Variants in KCNC1 observed in about 807,000 individuals in gnomAD.
The protein encoded by KCNC1 is voltage-gated potassium channel KCNC1.
A neutral mutation model predicts 43.4 loss-of-function variants in KCNC1; 8 were observed. The observed-to-expected ratio is 0.18, with a 90% CI of 0.11 to 0.33. The LOEUF (loss-of-function observed/expected upper bound fraction) is 0.33, where lower values mean the gene tolerates loss of function less well. Among genes scored for constraint, KCNC1 ranks in the 10% least tolerant of loss-of-function variants. The pLI, the probability that KCNC1 is intolerant of heterozygous loss-of-function variation, is 1.00. For missense variants in KCNC1, 420 were observed against 836.0 expected (o/e 0.50, Z 6.14); for synonymous variants, 361 against 360.5 (o/e 1.00, Z -0.01).
chr11:17,754,813 G>A (rs765297054), intron 1 of KCNC1, among the ~76,000 whole-genome samples: 1 of 152,154 alleles, frequency 6.6e-6, no homozygotes, highest in East Asian at 1.9e-4. Flanking sequence ...ATGCCAACAC[G>A]CAGCCAACTG....
intron 2 of KCNC1, chr11:17,772,984 C>G (rs549589067): frequency 2.9e-5 from 32 of 1,088,066 alleles, no homozygotes; most frequent in Non-Finnish European, 3.5e-5. Context: ...AGAGTGGGGG[C>G]GGGTGTGATT....
chr11:17,781,428 C>G lies in KCNC1; in HGVS notation c.1694-242C>G. Reference sequence around the variant, plus strand: ...GGCTAATTCTGAGCCAGAAGGCATGCAGGTGTGTGAGTCAATGTGCAGAGC... The same window carrying G: ...GGCTAATTCTGAGCCAGAAGGCATGGAGGTGTGTGAGTCAATGTGCAGAGC... On this transcript the variant is annotated intron_variant, in intron 3 of 3. Coordinates refer to ENST00000265969, the MANE Select transcript of KCNC1 (RefSeq NM_001112741.2). This position sits in a 1 kb window ranked among gnomAD's most constrained non-coding sequence, Gnocchi z 5.1. 1 of 480,368 alleles carries G rather than the reference C, an allele frequency of 2.1e-6. No homozygotes were observed. Among genetic ancestry groups the G allele is most frequent in the Non-Finnish European group, 3.7e-6 (1 of 273,214 alleles). 29.8% of individuals were successfully genotyped at this position (480,368 alleles called of 1,614,324 possible).
rs1180196604 is a variant in KCNC1 at position 17,736,281 on chromosome 11, C to T, written c.279C>T (p.Phe93=). The change falls in exon 1 of 4, where the codon TTC becomes TTT. Residue 93 remains phenylalanine (F), a synonymous_variant. Transcript: ENST00000265969. The surrounding 1 kb of genome is among the most constrained non-coding windows in gnomAD (Gnocchi z 9.3). ...CGCTCTACGAGGAGGAGCTGGCCTT[C>T]TGGGGCATCGACGAGACCGACGTGG... ...CGPLYEEELA[F]WGIDETDVEP... 1 of 1,613,584 alleles carries T rather than the reference C, an allele frequency of 6.2e-7. No individual in the cohort carries two copies. The highest frequency in any genetic ancestry group is 1.1e-5 in the South Asian group (1 of 91,074).
At chr11:17,775,321 A>T in intron 2 of KCNC1, 4 of 944,900 alleles carry the variant, frequency 4.2e-6, no homozygotes, top group Non-Finnish European at 5.0e-6. Flanking sequence ...TGGTGCCAGC[A>T]GCACCTGCCC....
intron 1 of KCNC1, among the ~76,000 whole-genome samples, chr11:17,737,869 GGGTA>G (rs1848787073): frequency 6.6e-6 from 1 of 152,200 alleles, no homozygotes; most frequent in South Asian, 2.1e-4. Context: ...GGCTAGGGAG[GGGTA>G]GGAAGTTGCA....
In KCNC1 at chr11:17,781,611, A is replaced by G; in HGVS notation, c.1694-59A>G. The G allele has an allele frequency of 8.4e-7, 1 of 1,185,212 alleles. No homozygotes were observed. The highest frequency in any genetic ancestry group is 1.2e-6 in the Non-Finnish European group (1 of 815,868). 73.4% of individuals were successfully genotyped at this position (1,185,212 alleles called of 1,614,324 possible). On this transcript the variant is annotated intron_variant, in intron 3 of 3. Coordinates refer to ENST00000265969, the MANE Select transcript of KCNC1 (RefSeq NM_001112741.2). This position sits in a 1 kb window ranked among gnomAD's most constrained non-coding sequence, Gnocchi z 5.1. ...CCTCCTTCTTAAAAACTAAGTACCA[A>G]GCGGGATGGGAGAGCCAAGAAGAGA...
rs1849229457 is a variant in KCNC1, at chr11:17,771,580, C to T, written c.571-85C>T. 5 of 1,203,752 alleles carry T rather than the reference C, an allele frequency of 4.2e-6. No homozygotes were observed. Among genetic ancestry groups the T allele is most frequent in the Non-Finnish European group, 5.9e-6 (5 of 848,762 alleles). The allele number at this position is 1,203,752 out of a possible 1,614,324, so 74.6% of individuals were successfully genotyped here. A position where few individuals can be genotyped will look rare whatever the true frequency, so the allele number is the denominator to read the frequency against. On this transcript the variant is annotated intron_variant, in intron 1 of 3. Coordinates refer to ENST00000265969, the MANE Select transcript of KCNC1 (RefSeq NM_001112741.2). This position sits in a 1 kb window ranked among gnomAD's most constrained non-coding sequence, Gnocchi z 4.7. The stretch of plus-strand genomic sequence containing the variant: ...GGCCTGGTGCTGGCATCTCCCCCCG[C>T]CTGGCCCTGGGACTGGACAGAGGCA...
At chr11:17,755,733 G>A (rs1314177485) in intron 1 of KCNC1, among the ~76,000 whole-genome samples, 1 of 152,172 alleles carries the variant, frequency 6.6e-6, no homozygotes, top group Non-Finnish European at 1.5e-5. Flanking sequence ...TGAAAGAGCT[G>A]GTAGAATTCC....
chr11:17,763,544 G>A (rs1354223002), intron 1 of KCNC1, among the ~76,000 whole-genome samples: 42 of 93,000 alleles, frequency 4.5e-4, no homozygotes, highest in South Asian at 2.5e-3. Flanking sequence ...CCCACACACA[G>A]ACCCCCACAC....
Position 17,735,867 on chromosome 11 carries a change from C to A in KCNC1, c.-136C>A. The A allele has an allele frequency of 1.9e-6, 2 of 1,030,054 alleles. No individual in the cohort carries two copies. Among genetic ancestry groups the A allele is most frequent in the Non-Finnish European group, 2.6e-6 (2 of 761,250 alleles). The allele number at this position is 1,030,054 out of a possible 1,614,324, so 63.8% of individuals were successfully genotyped here. ...GGCTCGCTCGTTGGGGTGGCCAGAGCCGCAGGCCTCTGTTCCCCCCGACGG... is the reference window on the plus strand; with the variant it reads ...GGCTCGCTCGTTGGGGTGGCCAGAGACGCAGGCCTCTGTTCCCCCCGACGG... On this transcript the variant is annotated 5_prime_UTR_variant, in exon 1 of 4. Transcript: ENST00000265969. The surrounding 1 kb of genome is among the most constrained non-coding windows in gnomAD (Gnocchi z 6.7).
Position 17,735,945 on chromosome 11 carries a change from C to A in KCNC1, c.-58C>A, listed in dbSNP as rs1024611955. 1 of 1,381,364 alleles carries A rather than the reference C, an allele frequency of 7.2e-7. No homozygotes were observed. Among genetic ancestry groups the A allele is most frequent in the Middle Eastern group, 2.6e-4 (1 of 3,786 alleles). The allele number at this position is 1,381,364 out of a possible 1,614,324, so 85.6% of individuals were successfully genotyped here. ...GCCCCCCTCCCCGGCGCCAACTCCCCCTGGCGGCCGCTCCCATGGGTGTCG... is the reference window on the plus strand; with the variant it reads ...GCCCCCCTCCCCGGCGCCAACTCCCACTGGCGGCCGCTCCCATGGGTGTCG... On this transcript the variant is annotated 5_prime_UTR_variant, in exon 1 of 4. Transcript: ENST00000265969. The surrounding 1 kb of genome is among the most constrained non-coding windows in gnomAD (Gnocchi z 6.7).
intron 1 of KCNC1, among the ~76,000 whole-genome samples, chr11:17,752,241 G>A (rs1030022819): frequency 1.3e-5 from 2 of 152,140 alleles, no homozygotes; most frequent in Non-Finnish European, 2.9e-5. Context: ...ATTTGCACAA[G>A]GCACAGCACT....
chr11:17,748,125 G>A (rs1848922225), intron 1 of KCNC1, among the ~76,000 whole-genome samples: 1 of 152,192 alleles, frequency 6.6e-6, no homozygotes, highest in Admixed American at 6.5e-5. Context: ...TTCTAGCTGG[G>A]CAAGATATGA....
At position 17,736,612 on chromosome 11, in the gene KCNC1, G is replaced by C; in HGVS notation, c.570+40G>C. The C allele has an allele frequency of 6.9e-7, 1 of 1,457,054 alleles. No individual in the cohort carries two copies. 90.3% of individuals were successfully genotyped at this position (1,457,054 alleles called of 1,614,324 possible). ...ACCCATCAGAAGAGCGGGGCGGGAAGGCAGCGTCCTGTGCCTCCCCGCGGG... is the reference window on the plus strand; with the variant it reads ...ACCCATCAGAAGAGCGGGGCGGGAACGCAGCGTCCTGTGCCTCCCCGCGGG... On this transcript the variant is annotated intron_variant, in intron 1 of 3. Coordinates refer to ENST00000265969, the MANE Select transcript of KCNC1 (RefSeq NM_001112741.2). The surrounding 1 kb of genome is among the most constrained non-coding windows in gnomAD (Gnocchi z 9.3).
intron 1 of KCNC1, among the ~76,000 whole-genome samples, chr11:17,765,253 C>T (rs1168612265): frequency 6.6e-6 from 1 of 152,208 alleles, no homozygotes; most frequent in Non-Finnish European, 1.5e-5. Flanking sequence ...CCTGAAACGC[C>T]AGACTGCATG....
In KCNC1 at chr11:17,779,816, C is replaced by G. The variant is rs985814196; in HGVS notation, c.1693+172C>G. 3.7e-5 allele frequency: 18 copies of G among 482,782 alleles called. No homozygotes were observed. Among genetic ancestry groups the G allele is most frequent in the South Asian group, 2.3e-4 (5 of 21,602 alleles). 29.9% of individuals were successfully genotyped at this position (482,782 alleles called of 1,614,324 possible). Reference sequence around the variant, plus strand: ...CCCTGGAGGGCTGAGGCCCTTCCCCCCAAGTGAGATGTCAGGCTGGCAGAG... The same window carrying G: ...CCCTGGAGGGCTGAGGCCCTTCCCCGCAAGTGAGATGTCAGGCTGGCAGAG... On this transcript the variant is annotated intron_variant, in intron 3 of 3. Coordinates refer to ENST00000265969, the MANE Select transcript of KCNC1 (RefSeq NM_001112741.2). This position sits in a 1 kb window ranked among gnomAD's most constrained non-coding sequence, Gnocchi z 7.2.
intron 2 of KCNC1, chr11:17,774,994 C>A: frequency 3.0e-6 from 3 of 985,336 alleles, no homozygotes; most frequent in Non-Finnish European, 3.6e-6. Flanking sequence ...ACCTCTGCAC[C>A]CCAGAGTTCT....
chr11:17,745,564 G>A (rs557334244), intron 1 of KCNC1, among the ~76,000 whole-genome samples: 1 of 152,248 alleles, frequency 6.6e-6, no homozygotes, highest in African/African-American at 2.4e-5. Context: ...GACCAAGTCA[G>A]CCCTCCGCTC....
intron 1 of KCNC1, among the ~76,000 whole-genome samples, chr11:17,749,348 C>T (rs905237048): frequency 1.4e-4 from 21 of 152,240 alleles, no homozygotes; most frequent in African/African-American, 4.3e-4. Flanking sequence ...TGCAGACACT[C>T]GCCTCACCCC....
Sources: allele counts gnomAD v4.1 joint callset (sites outside exome capture counted in the v4.1 genomes callset), GRCh38; gene constraint gnomAD v4.1.1; non-coding constraint Gnocchi (gnomAD v3.1); transcripts MANE v1.5; gene names NCBI Gene and HGNC (gene_info 2026-07-23, HGNC 2026-07-21).